Variants in KCNMB3 observed in about 807,000 individuals in gnomAD.
The protein encoded by KCNMB3 is calcium-activated potassium channel subunit beta-3.
In KCNMB3, 18 loss-of-function variants were observed where a neutral mutation model predicts 11.9. The ratio of observed to expected loss-of-function variants is 1.51; its 90% CI spans 1.04 to 2.23. The LOEUF (loss-of-function observed/expected upper bound fraction) is 2.23. Among genes scored for constraint, KCNMB3 ranks in the 30% most tolerant of loss-of-function variants. The pLI is 0.00. For missense variants in KCNMB3, 247 were observed against 329.4 expected, an observed-to-expected ratio of 0.75 and a Z score of 1.94; for synonymous variants, 78 against 119.2, an observed-to-expected ratio of 0.65 and a Z score of 2.25.
At chr3:179,245,608 G>A (rs62408837) in intron 1 of KCNMB3, among the ~76,000 whole-genome samples, 4 of 151,694 alleles carry the variant, frequency 2.6e-5, no homozygotes, top group African/African-American at 7.3e-5. Flanking sequence ...CAAGCGATTC[G>A]CCTGCCTCAG....
At chr3:179,261,158 T>TCACGAGCCTCCG (rs1379354437) in intron 1 of KCNMB3, 2 of 1,331,982 alleles carry the variant, frequency 1.5e-6, no homozygotes, top group Non-Finnish European at 2.1e-6. Flanking sequence ...CATGGGGATC[T>TCACGAGCCTCCG]CACGAGCCTC....
At chr3:179,261,068 A>C in intron 1 of KCNMB3, 11 of 1,083,566 alleles carry the variant, frequency 1.0e-5, no homozygotes, top group Non-Finnish European at 1.4e-5. Flanking sequence ...AGACGGGCCC[A>C]GCATGTTACG....
chr3:179,251,435 C>T, upstream of KCNMB3: 2 of 1,427,906 alleles, frequency 1.4e-6, no homozygotes, highest in East Asian at 2.5e-5. Context: ...GAATTTCTGG[C>T]CACTGCCCAG....
chr3:179,242,648 T>A, downstream of KCNMB3: 1 of 420,354 alleles, frequency 2.4e-6, no homozygotes, highest in South Asian at 4.3e-5. Flanking sequence ...TTGAACTCAT[T>A]TTGCTATACA....
intron 1 of KCNMB3, among the ~76,000 whole-genome samples, chr3:179,263,783 G>C (rs1324461077): frequency 8.4e-6 from 1 of 118,646 alleles, no homozygotes; most frequent in East Asian, 2.3e-4. Context: ...TTTCTGTTTT[G>C]TTTTTCTTTT....
chr3:179,251,121 A>G (rs1725829701), upstream of KCNMB3: 1 of 1,614,064 alleles, frequency 6.2e-7, no homozygotes, highest in African/African-American at 1.3e-5. Context: ...AGCTAAAGTG[A>G]TGTGTAATCA....
chr3:179,256,329 G>A (rs185375039), upstream of KCNMB3, among the ~76,000 whole-genome samples: 1 of 152,140 alleles, frequency 6.6e-6, no homozygotes, highest in African/African-American at 2.4e-5. Context: ...CCAGCTACTC[G>A]GAAGGCTGAA....
chr3:179,254,743 A>G (rs568665416), upstream of KCNMB3, among the ~76,000 whole-genome samples: 16 of 152,328 alleles, frequency 1.1e-4, no homozygotes, highest in East Asian at 3.1e-3. Flanking sequence ...CGGAGGTTGC[A>G]GTGAGCCAAG....
chr3:179,260,877 T>C lies in KCNMB3; in HGVS notation c.62+5772A>G, dbSNP rs1053651912. ...TCTTTCAGGGTGTCAACTTGGTAAA[T>C]GAAGTTTGTGTTTTCATTGTCTAAC... On this transcript the variant is annotated intron_variant, in intron 1 of 3. Transcript: ENST00000349697. 14 of 1,153,682 alleles carry C rather than the reference T, an allele frequency of 1.2e-5. No individual in the cohort carries two copies. The African/African-American group carries it at 1.9e-4, about 16-fold the overall frequency. 71.5% of individuals were successfully genotyped at this position (1,153,682 alleles called of 1,614,324 possible). A position where few individuals can be genotyped will look rare whatever the true frequency, so the allele number is the denominator to read the frequency against.
At chr3:179,239,930 T>A, downstream of KCNMB3, 1 of 901,318 alleles carries the variant, frequency 1.1e-6, no homozygotes, top group Non-Finnish European at 1.7e-6. Context: ...AATAACAGTA[T>A]CACTAAATTT....
chr3:179,255,007 A>G (rs1397453403), upstream of KCNMB3, among the ~76,000 whole-genome samples: 1 of 152,062 alleles, frequency 6.6e-6, no homozygotes, highest in Non-Finnish European at 1.5e-5. Context: ...TCTATTAAAA[A>G]TACAAAAATT....
At chr3:179,247,395 A>C (rs191309184) in intron 1 of KCNMB3, among the ~76,000 whole-genome samples, 1 of 152,282 alleles carries the variant, frequency 6.6e-6, no homozygotes, top group African/African-American at 2.4e-5. Context: ...GAGGAAAAAA[A>C]GACAGAATGA....
chr3:179,245,957 G>A (rs1166201056), intron 1 of KCNMB3, among the ~76,000 whole-genome samples: 2 of 152,192 alleles, frequency 1.3e-5, no homozygotes, highest in Non-Finnish European at 2.9e-5. Flanking sequence ...TTGAAAACAA[G>A]TCCAAGACAA....
upstream of KCNMB3, among the ~76,000 whole-genome samples, chr3:179,252,849 C>T (rs1045166858): frequency 4.0e-5 from 6 of 151,500 alleles, no homozygotes; most frequent in Non-Finnish European, 7.4e-5. Flanking sequence ...CTCCTGCCTC[C>T]GCCTCCTGAG....
At chr3:179,249,953 T>C (rs1725778464) in intron 1 of KCNMB3, among the ~76,000 whole-genome samples, 1 of 152,110 alleles carries the variant, frequency 6.6e-6, no homozygotes, top group Non-Finnish European at 1.5e-5. Flanking sequence ...AGGTGATGGG[T>C]TGATCTGTGC....
Position 179,244,545 on chromosome 3 carries a change from G to C in KCNMB3, c.397C>G (p.Gln133Glu). The C allele has an allele frequency of 6.2e-7, 1 of 1,614,126 alleles. No individual in the cohort carries two copies. The highest frequency in any genetic ancestry group is 8.5e-7 in the Non-Finnish European group (1 of 1,180,022). Residue 133 changes from glutamine to glutamate, a missense_variant, in exon 2 of 3, where the codon CAG (glutamine) becomes GAG (glutamate). Physicochemically the swap from Gln to Glu is conservative, Grantham distance 29. Coordinates refer to ENST00000392685, the MANE Select transcript of KCNMB3 (RefSeq NM_171830.2). ...QVFVNLSHPG[Q>E]KALLHYNEEA... is the part of the protein sequence containing the mutation. The stretch of plus-strand genomic sequence containing the variant: ...TCATTATAATGTAGGAGAGCTTTCT[G>C]ACCTGGATGGCTGAGGTTCACAAAC...
chr3:179,248,247 A>G (rs1350250885), intron 1 of KCNMB3, among the ~76,000 whole-genome samples: 1 of 152,252 alleles, frequency 6.6e-6, no homozygotes, highest in African/African-American at 2.4e-5. Flanking sequence ...GAAAACTAAA[A>G]TAACACTTCC....
chr3:179,247,173 AACTT>A (rs759527640), intron 1 of KCNMB3, among the ~76,000 whole-genome samples: 8 of 152,156 alleles, frequency 5.3e-5, no homozygotes, highest in Non-Finnish European at 1.0e-4. Flanking sequence ...AGAAAAGTAA[AACTT>A]AATTATGAGC....
chr3:179,261,255 T>A, intron 1 of KCNMB3: 1 of 1,322,998 alleles, frequency 7.6e-7, no homozygotes, highest in Middle Eastern at 2.9e-4. Flanking sequence ...CGGCTCTGCG[T>A]GGCCGCGGGG....
Sources: gnomAD v4.1 joint callset for allele counts (sites outside exome capture counted in the v4.1 genomes callset) on GRCh38, gnomAD v4.1.1 for gene constraint, MANE v1.5 for transcripts, NCBI Gene and HGNC (gene_info 2026-07-23, HGNC 2026-07-21) for gene names.